Variants in RIPOR2 observed in about 807,000 individuals in gnomAD.
The protein encoded by RIPOR2 is rho family-interacting cell polarization regulator 2.
In RIPOR2, 39 loss-of-function variants were observed where a neutral mutation model predicts 114.5. The observed-to-expected ratio is 0.34, with a 90% CI of 0.26 to 0.44. The LOEUF (loss-of-function observed/expected upper bound fraction) is 0.44. Ranked by LOEUF, RIPOR2 falls within the 20% of genes least tolerant of loss-of-function variation. The pLI, the probability that RIPOR2 is intolerant of heterozygous loss-of-function variation, is 1.00. For missense variants in RIPOR2, 1,007 were observed against 1,255.1 expected, an observed-to-expected ratio of 0.80 and a Z score of 2.99; for synonymous variants, 445 against 484.4, an observed-to-expected ratio of 0.92 and a Z score of 1.07.
intron 1 of RIPOR2, among the ~76,000 whole-genome samples, chr6:25,017,331 T>A (rs1182333116): frequency 6.6e-6 from 1 of 152,190 alleles, no homozygotes; most frequent in Non-Finnish European, 1.5e-5. Flanking sequence ...AAAAATGGCA[T>A]AAATGCCATT....
At chr6:24,854,444 G>C (rs745629431) in intron 8 of RIPOR2, among the ~76,000 whole-genome samples, 3 of 152,170 alleles carry the variant, frequency 2.0e-5, no homozygotes, top group Non-Finnish European at 2.9e-5. Flanking sequence ...ATGAATAAAC[G>C]TGTGGGGACG....
At chr6:24,966,450 A>G (rs977543741) in intron 1 of RIPOR2, among the ~76,000 whole-genome samples, 9 of 152,178 alleles carry the variant, frequency 5.9e-5, no homozygotes, top group Non-Finnish European at 1.3e-4. Flanking sequence ...TTTCTTTAAT[A>G]CTGCGTTTTT....
chr6:24,965,812 A>C (rs1773504644), intron 1 of RIPOR2, among the ~76,000 whole-genome samples: 1 of 152,246 alleles, frequency 6.6e-6, no homozygotes, highest in South Asian at 2.1e-4. Context: ...AAGTCTAGAA[A>C]TTGAATTTCA....
chr6:24,916,358 T>G (rs529241896), intron 1 of RIPOR2, among the ~76,000 whole-genome samples: 1 of 152,328 alleles, frequency 6.6e-6, no homozygotes, highest in South Asian at 2.1e-4. Context: ...CAATCACACA[T>G]CTTCCATTTG....
At chr6:24,861,098 C>A in intron 7 of RIPOR2, 62 bp from the exon 8 acceptor site, 2 of 1,173,202 alleles carry the variant, frequency 1.7e-6, no homozygotes, top group Non-Finnish European at 2.5e-6. Flanking sequence ...TCAAAGCACA[C>A]GACGTTCGAA....
intron 1 of RIPOR2, among the ~76,000 whole-genome samples, chr6:25,010,197 G>A (rs987197291): frequency 6.6e-6 from 1 of 152,132 alleles, no homozygotes; most frequent in African/African-American, 2.4e-5. Context: ...GAGGTGTTTG[G>A]CCATGGGGAC....
rs745360194 is a variant in RIPOR2, at chr6:24,847,543, T to C, written c.1164+482A>G. On this transcript the variant is annotated intron_variant, in intron 12 of 21. Transcript: ENST00000643898. ...CATACCCGGGCAGGCCACACTCACA[T>C]AGAGCTCTAGCACGGCCTTGGGACT... 3.1e-4 allele frequency: 484 copies of C among 1,551,212 alleles called. No homozygotes were observed. The highest frequency in any genetic ancestry group is 4.3e-4 in the Admixed American group (22 of 50,966).
intron 12 of RIPOR2, among the ~76,000 whole-genome samples, chr6:24,844,363 G>A (rs1437922984): frequency 1.8e-5 from 1 of 56,874 alleles, no homozygotes; most frequent in African/African-American, 3.7e-5. Flanking sequence ...CTATTTTGAA[G>A]TCAGCTCTCT....
chr6:24,907,636 C>G lies in RIPOR2; in HGVS notation c.61+28202G>C, dbSNP rs570938731. On this transcript the variant is annotated intron_variant, in intron 1 of 21. Transcript: ENST00000643898. Reference sequence around the variant, plus strand: ...ACATGTGAGGGTTTCATGCTTAATTCACTGGAGATACATGATGCATTGAGT... The same window carrying G: ...ACATGTGAGGGTTTCATGCTTAATTGACTGGAGATACATGATGCATTGAGT... 2.0e-5 allele frequency among the ~76,000 whole-genome samples: 3 copies of G among 152,280 alleles called. No homozygotes were observed. The East Asian group carries it at 5.8e-4, about 29-fold the overall frequency.
chr6:24,807,193 G>A (rs1780825636), intron 21 of RIPOR2, among the ~76,000 whole-genome samples: 1 of 151,794 alleles, frequency 6.6e-6, no homozygotes, highest in Admixed American at 6.6e-5. Flanking sequence ...TCAGCTGGGT[G>A]TGGTGGCTCA....
intron 1 of RIPOR2, among the ~76,000 whole-genome samples, chr6:24,906,740 G>A (rs1409555444): frequency 6.6e-6 from 1 of 152,214 alleles, no homozygotes; most frequent in South Asian, 2.1e-4. Context: ...AGGCTCAAGC[G>A]ATCCTCCCAC....
chr6:24,975,389 A>G (rs1477615514), intron 1 of RIPOR2, among the ~76,000 whole-genome samples: 1 of 152,260 alleles, frequency 6.6e-6, no homozygotes, highest in Non-Finnish European at 1.5e-5. Flanking sequence ...GGCAAACGAC[A>G]CAATATGCAA....
intron 1 of RIPOR2, among the ~76,000 whole-genome samples, chr6:24,980,331 A>G (rs1774234853): frequency 6.6e-6 from 1 of 152,198 alleles, no homozygotes; most frequent in South Asian, 2.1e-4. Context: ...TTATAGTGGG[A>G]AAGCTTCCTT....
intron 1 of RIPOR2, among the ~76,000 whole-genome samples, chr6:25,019,599 C>A (rs74851467): frequency 0.022 from 3,317 of 149,818 alleles, 131 homozygotes; most frequent in African/African-American, 0.072. Context: ...AAAAAAAAAA[C>A]CCCTCTCTAC....
At chr6:24,968,395 C>T (rs555245374) in intron 1 of RIPOR2, among the ~76,000 whole-genome samples, 1 of 152,272 alleles carries the variant, frequency 6.6e-6, no homozygotes, top group African/African-American at 2.4e-5. Flanking sequence ...ACATTCACTC[C>T]TGCTGGTGTC....
intron 17 of RIPOR2, among the ~76,000 whole-genome samples, chr6:24,830,080 C>G (rs2113679659): frequency 6.6e-6 from 1 of 152,268 alleles, no homozygotes; most frequent in South Asian, 2.1e-4. Context: ...ATTCTCCTCC[C>G]TCAGTCTCCC....
Position 24,806,403 on chromosome 6 carries a change from AC to A in RIPOR2, c.3113del (p.Arg1038LeufsTer17). The A allele has an allele frequency of 6.4e-7, 1 of 1,551,508 alleles. No homozygotes were observed. Among genetic ancestry groups the A allele is most frequent in the South Asian group, 1.2e-5 (1 of 83,982 alleles). On this transcript the variant is annotated frameshift_variant, in exon 22 of 22. Coordinates refer to ENST00000643898, the MANE Select transcript of RIPOR2 (RefSeq NM_001286445.3). LOFTEE classifies it high-confidence loss of function. The part of the protein sequence containing the change: ...FPRDCVKVGG[R>X]HGTEVATAF ...AGGCTGTGGCAACTTCAGTTCCATG[AC>A]GACCTCCGACTTTAACACAGTCTCG...
intron 1 of RIPOR2, among the ~76,000 whole-genome samples, chr6:24,983,995 T>C (rs1012099207): frequency 3.3e-5 from 5 of 152,040 alleles, no homozygotes; most frequent in African/African-American, 1.2e-4. Context: ...ACATGCTAGC[T>C]CCAAACTGAG....
intron 1 of RIPOR2, among the ~76,000 whole-genome samples, chr6:24,958,732 G>T (rs925706519): frequency 6.6e-6 from 1 of 152,118 alleles, no homozygotes; most frequent in Non-Finnish European, 1.5e-5. Flanking sequence ...TTCTAGGACT[G>T]TTGTAACAAA....
Sources: gnomAD v4.1 joint callset for allele counts (sites outside exome capture counted in the v4.1 genomes callset) on GRCh38, gnomAD v4.1.1 for gene constraint, MANE v1.5 for transcripts, NCBI Gene and HGNC (gene_info 2026-07-23, HGNC 2026-07-21) for gene names.